Variants in KALRN observed in about 807,000 individuals in gnomAD.
The protein encoded by KALRN is kalirin.
Under a neutral mutation model 353.7 loss-of-function variants are expected in KALRN, and 70 were observed. That is an observed-to-expected ratio of 0.20 (90% confidence interval 0.16 to 0.24). The LOEUF is 0.24. KALRN is among the 10% of genes least tolerant of loss of function. The pLI, the probability that KALRN is intolerant of heterozygous loss-of-function variation, is 1.00. For synonymous variants in KALRN, 1,391 were observed against 1,434.8 expected (o/e 0.97, Z 0.69); for missense variants, 2,791 against 3,756.7 (o/e 0.74, Z 6.72).
rs189613957 is a variant in KALRN, at chr3:124,167,624, A to G, written c.74-60366A>G. Among the ~76,000 whole-genome samples the G allele has an allele frequency of 6.6e-5, 10 of 152,334 alleles. No homozygotes were observed. In the East Asian group the frequency reaches 1.7e-3, roughly 26 times the overall value. On this transcript the variant is annotated intron_variant, in intron 1 of 59. Transcript: ENST00000682506. ...GTTTTTATCACGTAATTCTTTCAGC[A>G]CAGATAACAGGTATTCTCTGTATAA...
chr3:124,447,104 T>A (rs1333581351), intron 21 of KALRN, among the ~76,000 whole-genome samples: 3 of 152,172 alleles, frequency 2.0e-5, no homozygotes, highest in Non-Finnish European at 4.4e-5. Context: ...AGGAAGTCAA[T>A]TGCTATATAC....
chr3:124,569,980 C>T (rs933706487), intron 34 of KALRN, among the ~76,000 whole-genome samples: 6 of 152,194 alleles, frequency 3.9e-5, no homozygotes, highest in Admixed American at 6.5e-5. Flanking sequence ...GGCCTGCCAA[C>T]CCCTGGTGCT....
chr3:124,471,037 A>G (rs2060834845), intron 25 of KALRN, among the ~76,000 whole-genome samples: 2 of 152,146 alleles, frequency 1.3e-5, no homozygotes, highest in African/African-American at 2.4e-5. Flanking sequence ...CAGATTTTTC[A>G]GCAAGGGCTT....
At chr3:124,204,701 G>A (rs1037244543) in intron 1 of KALRN, among the ~76,000 whole-genome samples, 9 of 151,286 alleles carry the variant, frequency 5.9e-5, no homozygotes, top group Non-Finnish European at 8.9e-5. Context: ...CTAACTGCAC[G>A]TTTTTCTTTT....
chr3:124,251,529 C>T (rs558208887), intron 3 of KALRN, among the ~76,000 whole-genome samples: 4 of 152,194 alleles, frequency 2.6e-5, no homozygotes, highest in African/African-American at 9.6e-5. Flanking sequence ...GCCACCTTGC[C>T]CAGCTACTTT....
chr3:124,681,155 C>T (rs1237172407), intron 51 of KALRN, among the ~76,000 whole-genome samples: 2 of 152,250 alleles, frequency 1.3e-5, no homozygotes, highest in East Asian at 3.9e-4. Context: ...TGTTCCCACT[C>T]TGTAGGAAGA....
chr3:124,307,027 C>T (rs746846907), intron 6 of KALRN, among the ~76,000 whole-genome samples: 1 of 151,578 alleles, frequency 6.6e-6, no homozygotes, highest in Admixed American at 6.6e-5. Context: ...AAGCAAGTGA[C>T]CCTTGATGGT....
chr3:124,554,720 AAT>A (rs200609333), intron 33 of KALRN, among the ~76,000 whole-genome samples: 2,050 of 152,314 alleles, frequency 0.013, 40 homozygotes, highest in African/African-American at 0.046. Context: ...TCTATAGCTG[AAT>A]ATTCACATTT....
chr3:124,038,605 A>G (rs573394420), intron 1 of KALRN, among the ~76,000 whole-genome samples: 6 of 152,292 alleles, frequency 3.9e-5, no homozygotes, highest in African/African-American at 1.4e-4. Flanking sequence ...TTAAGGTGCA[A>G]AGGAAAAAAA....
intron 1 of KALRN, among the ~76,000 whole-genome samples, chr3:124,156,911 G>A (rs2069082627): frequency 6.6e-6 from 1 of 152,066 alleles, no homozygotes; most frequent in South Asian, 2.1e-4. Context: ...TCACCCATTT[G>A]CTCTATATGT....
At chr3:124,360,742 A>C (rs1338052504) in intron 10 of KALRN, among the ~76,000 whole-genome samples, 2 of 152,236 alleles carry the variant, frequency 1.3e-5, no homozygotes, top group Non-Finnish European at 2.9e-5. Flanking sequence ...GAGAAGCAGA[A>C]TCAACTTCCT....
chr3:124,435,746 T>C (rs1400930909), intron 17 of KALRN, among the ~76,000 whole-genome samples: 2 of 152,196 alleles, frequency 1.3e-5, no homozygotes, highest in Non-Finnish European at 2.9e-5. Flanking sequence ...AGCTGCAGAC[T>C]AAGATGATAG....
intron 15 of KALRN, among the ~76,000 whole-genome samples, chr3:124,427,913 CT>C (rs1214331863): frequency 3.9e-5 from 6 of 152,142 alleles, no homozygotes; most frequent in Non-Finnish European, 8.8e-5. Flanking sequence ...TTGAAAAATG[CT>C]TTTACATTAA....
In KALRN at chr3:124,422,860, A is replaced by C; in HGVS notation, c.2591A>C (p.Gln864Pro). The change falls in exon 15 of 60, where the codon CAA becomes CCA. Residue 864 changes from glutamine (Q) to proline (P), a missense_variant. Gln to Pro is a moderately conservative substitution (Grantham distance 76). Coordinates refer to ENST00000682506, the MANE Select transcript of KALRN (RefSeq NM_001388419.1). Reference sequence around the variant, plus strand: ...GACATTGATCTGGCAGCCCAGGTGCAAGAGTTATTGGAATTTCTCCATGAG... The same window carrying C: ...GACATTGATCTGGCAGCCCAGGTGCCAGAGTTATTGGAATTTCTCCATGAG... The part of the protein sequence containing the change: ...EKDIDLAAQV[Q>P]ELLEFLHEKQ... 6.2e-7 allele frequency: 1 copy of C among 1,613,934 alleles called. No individual in the cohort carries two copies.
At chr3:124,534,536 A>G (rs564474696) in intron 33 of KALRN, among the ~76,000 whole-genome samples, 6 of 152,230 alleles carry the variant, frequency 3.9e-5, no homozygotes, top group Non-Finnish European at 7.3e-5. Context: ...AACTTCAAGT[A>G]AAATAAAATA....
At chr3:124,261,761 A>G (rs1997422) in intron 3 of KALRN, among the ~76,000 whole-genome samples, 66,963 of 152,038 alleles carry the variant, frequency 0.44, 14,920 homozygotes, top group Admixed American at 0.47. Flanking sequence ...GAGGAGCAGG[A>G]AAATAAGGAA....
intron 17 of KALRN, among the ~76,000 whole-genome samples, chr3:124,436,045 T>C (rs1011214362): frequency 6.6e-6 from 1 of 152,194 alleles, no homozygotes; most frequent in South Asian, 2.1e-4. Flanking sequence ...ATAGTGGTTA[T>C]AGAAATAGAT....
At chr3:124,273,357 C>T (rs1352199754) in intron 5 of KALRN, among the ~76,000 whole-genome samples, 1 of 152,186 alleles carries the variant, frequency 6.6e-6, no homozygotes, top group Non-Finnish European at 1.5e-5. Context: ...TCGTGAGCCA[C>T]CAAAAGGGTG....
chr3:124,164,546 C>T (rs915682205), intron 1 of KALRN: 9 of 152,118 alleles, frequency 5.9e-5, no homozygotes, highest in Non-Finnish European at 1.2e-4. Flanking sequence ...CTATAGAAAA[C>T]TTGTCATACA....
Sources: allele counts gnomAD v4.1 joint callset (sites outside exome capture counted in the v4.1 genomes callset), GRCh38; gene constraint gnomAD v4.1.1; transcripts MANE v1.5; gene names NCBI Gene and HGNC (gene_info 2026-07-23, HGNC 2026-07-21).